The following PRKD1 variants were observed in gnomAD, a reference collection of about 807,000 sequenced individuals.
PRKD1 encodes serine/threonine-protein kinase D1.
Under a neutral mutation model 95.9 loss-of-function variants are expected in PRKD1, and 63 were observed. That is an observed-to-expected ratio of 0.66 (90% CI 0.54 to 0.81). The LOEUF (loss-of-function observed/expected upper bound fraction) is 0.81. PRKD1 is among the 30% of genes least tolerant of loss of function. The probability of loss-of-function intolerance (pLI) is 0.00; values close to 1 mark genes in which losing one functional copy is unlikely to be tolerated. For synonymous variants in PRKD1, 425 were observed against 423.1 expected (o/e 1.00, Z -0.05); for missense variants, 1,048 against 1,165.3 (o/e 0.90, Z 1.47).
chr14:29,843,230 C>A (rs115837138), intron 1 of PRKD1, among the ~76,000 whole-genome samples: 2,296 of 152,196 alleles, frequency 0.015, 57 homozygotes, highest in African/African-American at 0.047. Flanking sequence ...TGTGAAGATA[C>A]AGAGAGAAGA....
rs552881885 is a variant in PRKD1 at position 29,780,386 on chromosome 14, C to T, written c.265-54712G>A. ...ATGGGAGAAAACTTTTGCAATCTAC[C>T]CATCTGACAAAGGGCTAATATCCAG... On this transcript the variant is annotated intron_variant, in intron 1 of 17. Transcript: ENST00000331968. 3.9e-5 allele frequency among the ~76,000 whole-genome samples: 6 copies of T among 152,188 alleles called. No individual in the cohort carries two copies. In the South Asian group the frequency reaches 1.0e-3, roughly 26 times the overall value.
chr14:29,600,494 A>C (rs182756363), intron 13 of PRKD1, among the ~76,000 whole-genome samples: 1 of 152,294 alleles, frequency 6.6e-6, no homozygotes, highest in East Asian at 1.9e-4. Flanking sequence ...TTTTTCGATA[A>C]GTACAGTTGG....
intron 1 of PRKD1, among the ~76,000 whole-genome samples, chr14:29,805,414 T>G (rs746108402): frequency 1.1e-4 from 16 of 152,112 alleles, no homozygotes; most frequent in Non-Finnish European, 2.1e-4. Flanking sequence ...CTAAATGCAT[T>G]ACAAAAAAAG....
At chr14:29,747,574 A>T (rs960680798) in intron 1 of PRKD1, among the ~76,000 whole-genome samples, 4 of 152,174 alleles carry the variant, frequency 2.6e-5, no homozygotes, top group Non-Finnish European at 4.4e-5. Context: ...ATAAATGGAT[A>T]AGTAAATTAT....
chr14:29,632,820 G>A (rs1207612206), intron 9 of PRKD1, 49 bp downstream of exon 9: 1 of 1,511,446 alleles, frequency 6.6e-7, no homozygotes, highest in East Asian at 2.3e-5. Flanking sequence ...ACATTCCCAT[G>A]AAAAAGCAAT....
intron 1 of PRKD1, among the ~76,000 whole-genome samples, chr14:29,809,285 T>C (rs1385364737): frequency 6.6e-6 from 1 of 152,210 alleles, no homozygotes; most frequent in Non-Finnish European, 1.5e-5. Context: ...CCCAGGATTT[T>C]CAGAATGGTC....
At chr14:29,883,255 C>A (rs760709060) in intron 1 of PRKD1, among the ~76,000 whole-genome samples, 3 of 152,162 alleles carry the variant, frequency 2.0e-5, no homozygotes, top group Non-Finnish European at 4.4e-5. Flanking sequence ...TCCCACCAGG[C>A]CCCACCTCCG....
At chr14:29,739,533 T>C (rs1886890644) in intron 1 of PRKD1, among the ~76,000 whole-genome samples, 1 of 152,192 alleles carries the variant, frequency 6.6e-6, no homozygotes, top group Admixed American at 6.5e-5. Context: ...CAAAAAAGAA[T>C]ATATCTAATT....
intron 1 of PRKD1, among the ~76,000 whole-genome samples, chr14:29,872,406 T>C (rs113064583): frequency 1.5e-3 from 223 of 152,312 alleles, no homozygotes; most frequent in African/African-American, 5.1e-3. Flanking sequence ...CTCACGCCTG[T>C]AATCCCAGCA....
At chr14:29,650,558 G>A (rs754489149) in intron 4 of PRKD1, 7 of 152,294 alleles carry the variant, frequency 4.6e-5, no homozygotes, top group Non-Finnish European at 1.0e-4. Context: ...AGGGACCAGA[G>A]AGACTGAATG....
At chr14:29,764,192 C>T (rs2333628) in intron 1 of PRKD1, among the ~76,000 whole-genome samples, 26,298 of 151,674 alleles carry the variant, frequency 0.17, 2,408 homozygotes, top group South Asian at 0.23. Context: ...TTGGTTTTAA[C>T]GTACATGCTT....
intron 1 of PRKD1, among the ~76,000 whole-genome samples, chr14:29,768,339 G>C (rs1171535248): frequency 6.6e-6 from 1 of 152,108 alleles, no homozygotes; most frequent in Admixed American, 6.5e-5. Context: ...AGTTAATACA[G>C]CATGATTTGT....
At position 29,693,883 on chromosome 14, in the gene PRKD1, C is replaced by G. The variant is rs1015752130; in HGVS notation, c.404-27675G>C. On this transcript the variant is annotated intron_variant, in intron 2 of 17. Coordinates refer to ENST00000331968, the MANE Select transcript of PRKD1 (RefSeq NM_002742.3). ...GAGAACTTAGTCCATTTTGGATAGT[C>G]TTTTCAGTAAGATTTTTCCATAGGC... 6.8e-4 allele frequency among the ~76,000 whole-genome samples: 103 copies of G among 152,238 alleles called. 1 individual carries two copies. Among genetic ancestry groups the G allele is most frequent in the African/African-American group, 2.4e-3 (99 of 41,530 alleles).
intron 13 of PRKD1, among the ~76,000 whole-genome samples, chr14:29,615,264 A>T (rs1284731676): frequency 6.6e-6 from 1 of 152,206 alleles, no homozygotes; most frequent in Admixed American, 6.5e-5. Context: ...GAGTGATATG[A>T]CAGCTTTATT....
chr14:29,713,061 T>C (rs1461371630), intron 2 of PRKD1, among the ~76,000 whole-genome samples: 2 of 152,148 alleles, frequency 1.3e-5, no homozygotes, highest in Admixed American at 1.3e-4. Flanking sequence ...CTTGAGGGTA[T>C]GAAGTATTCT....
intron 13 of PRKD1, among the ~76,000 whole-genome samples, chr14:29,617,237 T>C (rs1049966298): frequency 6.6e-6 from 1 of 152,198 alleles, no homozygotes; most frequent in African/African-American, 2.4e-5. Flanking sequence ...TCTTTCCTAT[T>C]GTGAGTTGTG....
intron 1 of PRKD1, among the ~76,000 whole-genome samples, chr14:29,879,355 G>A (rs1048916293): frequency 3.3e-5 from 5 of 152,306 alleles, no homozygotes; most frequent in South Asian, 2.1e-4. Context: ...TAGTGAATAC[G>A]TCTCACGAAA....
At chr14:29,802,447 T>G (rs1890073474) in intron 1 of PRKD1, among the ~76,000 whole-genome samples, 1 of 152,232 alleles carries the variant, frequency 6.6e-6, no homozygotes, top group Admixed American at 6.5e-5. Context: ...CAAAGATTTT[T>G]GCACCACAGT....
intron 2 of PRKD1, among the ~76,000 whole-genome samples, chr14:29,720,560 T>C (rs1182665316): frequency 6.6e-6 from 1 of 151,904 alleles, no homozygotes; most frequent in African/African-American, 2.4e-5. Flanking sequence ...GACAGGCGGA[T>C]CACAAGATCA....
Sources: allele counts gnomAD v4.1 joint callset (sites outside exome capture counted in the v4.1 genomes callset), GRCh38; gene constraint gnomAD v4.1.1; transcripts MANE v1.5; gene names NCBI Gene and HGNC (gene_info 2026-07-23, HGNC 2026-07-21).